The following CNDP2 variants were observed in gnomAD, a reference collection of about 807,000 sequenced individuals.
CNDP2 encodes cytosolic non-specific dipeptidase.
Under a neutral mutation model 55.0 loss-of-function variants are expected in CNDP2, and 38 were observed. The ratio of observed to expected loss-of-function variants is 0.69; its 90% CI spans 0.53 to 0.90. CNDP2 has a LOEUF of 0.90. CNDP2 is among the 40% of genes least tolerant of loss of function. The probability of loss-of-function intolerance (pLI) is 0.00; values close to 1 mark genes in which losing one functional copy is unlikely to be tolerated. For missense variants in CNDP2, 607 were observed against 621.7 expected, an observed-to-expected ratio of 0.98 and a Z score of 0.25; for synonymous variants, 241 against 260.2, an observed-to-expected ratio of 0.93 and a Z score of 0.71.
At chr18:74,511,146 A>C (rs1460577832) in intron 6 of CNDP2, 133 bp downstream of exon 6, 1 of 709,494 alleles carries the variant, frequency 1.4e-6, no homozygotes, top group Non-Finnish European at 2.3e-6. Context: ...TAGTGCCCCA[A>C]TTCCCAGCTT....
chr18:74,518,299 C>A, intron 9 of CNDP2, 200 bp from the exon 10 acceptor site: 2 of 508,746 alleles, frequency 3.9e-6, no homozygotes, highest in South Asian at 6.6e-5. Context: ...TCTCCTCTTT[C>A]CTTACTCTAG....
intron 1 of CNDP2, among the ~76,000 whole-genome samples, chr18:74,496,803 C>A (rs943190382): frequency 1.4e-4 from 21 of 152,142 alleles, no homozygotes; most frequent in African/African-American, 5.1e-4. Context: ...GGGAGCCGAG[C>A]GCTGGTCAGG....
Position 74,522,177 on chromosome 18 carries a change from C to G in CNDP2, c.*2109C>G, listed in dbSNP as rs1457206392. On this transcript the variant is annotated 3_prime_UTR_variant, in exon 12 of 12. Transcript: ENST00000324262. ...CCTCTATGGCTTTTGCATCTTTTCTCTAAGTCTCCTGTCATTTCAAAGTAA... is the reference window on the plus strand; with the variant it reads ...CCTCTATGGCTTTTGCATCTTTTCTGTAAGTCTCCTGTCATTTCAAAGTAA... 6.6e-6 allele frequency: 1 copy of G among 152,204 alleles called. No homozygotes were observed. Among genetic ancestry groups the G allele is most frequent in the Non-Finnish European group, 1.5e-5 (1 of 68,050 alleles). The allele number at this position is 152,204 out of a possible 1,614,324, so 9.4% of individuals were successfully genotyped here.
rs1412339995 is a variant in CNDP2 at position 74,510,942 on chromosome 18, A to G, written c.586A>G (p.Asn196Asp). The change falls in exon 6 of 12, where the codon AAT becomes GAT. Residue 196 changes from asparagine (N) to aspartate (D), a missense_variant. Asn to Asp is a conservative substitution (Grantham distance 23). Coordinates refer to ENST00000324262, the MANE Select transcript of CNDP2 (RefSeq NM_018235.3). ...TGTGGACTATGTCTGCATTTCTGAC[A>G]ATTACTGGCTGGGAAAGAAGAAGCC... ...KDVDYVCISD[N>D]YWLGKKKPCI... 2.5e-6 allele frequency: 4 copies of G among 1,614,068 alleles called. No individual in the cohort carries two copies. Among genetic ancestry groups the G allele is most frequent in the Non-Finnish European group, 3.4e-6 (4 of 1,180,036 alleles).
chr18:74,503,261 T>G (rs2144578160), intron 3 of CNDP2, among the ~76,000 whole-genome samples: 1 of 152,366 alleles, frequency 6.6e-6, no homozygotes, highest in South Asian at 2.1e-4. Context: ...CTGATTTTTA[T>G]CAAGGAATTG....
In CNDP2 at chr18:74,508,862, G is replaced by C. The variant is rs201016017; in HGVS notation, c.390G>C (p.Ser130=). The C allele has an allele frequency of 5.6e-6, 9 of 1,614,072 alleles. No homozygotes were observed. In the East Asian group the frequency reaches 1.8e-4, roughly 32 times the overall value. Residue 130 remains serine, a synonymous_variant, in exon 5 of 12, where the codon TCG becomes TCC. Coordinates refer to ENST00000324262, the MANE Select transcript of CNDP2 (RefSeq NM_018235.3). Reference sequence around the variant, plus strand: ...TAGGCAAGCTGTATGGGAGAGGTTCGACTGATGATAAGGGCCCGGTGGCCG... The same window carrying C: ...TAGGCAAGCTGTATGGGAGAGGTTCCACTGATGATAAGGGCCCGGTGGCCG... ...ERDGKLYGRG[S]TDDKGPVAGW...
At chr18:74,504,330 T>C (rs1383843123) in intron 3 of CNDP2, among the ~76,000 whole-genome samples, 2 of 142,008 alleles carry the variant, frequency 1.4e-5, no homozygotes, top group African/African-American at 2.6e-5. Context: ...CGTCAGGCCA[T>C]ACACTGCACA....
chr18:74,515,977 A>C (rs76001336), intron 8 of CNDP2, among the ~76,000 whole-genome samples: 3,272 of 152,274 alleles, frequency 0.021, 59 homozygotes, highest in Non-Finnish European at 0.033. Flanking sequence ...GACCTGAGCC[A>C]CCCACGCTGC....
At chr18:74,517,883 TATC>T (rs1373350656) in intron 9 of CNDP2, 2 of 152,274 alleles carry the variant, frequency 1.3e-5, no homozygotes, top group African/African-American at 4.8e-5. Context: ...ATTTAAATAG[TATC>T]ATCATTTAGA....
chr18:74,520,042 T>A lies in CNDP2; in HGVS notation c.1402T>A (p.Tyr468Asn). The change falls in exon 12 of 12, where the codon TAT becomes AAT. Residue 468 changes from tyrosine (Y) to asparagine (N), a missense_variant. Tyr to Asn is a moderately radical substitution (Grantham distance 143). Coordinates refer to ENST00000324262, the MANE Select transcript of CNDP2 (RefSeq NM_018235.3). ...AACCAAGATGCTGGCCGCGTACCTG[T>A]ATGAGGTCTCCCAGCTGAAGGACTA... ...EGTKMLAAYL[Y>N]EVSQLKD 6.2e-7 allele frequency: 1 copy of A among 1,614,158 alleles called. No individual in the cohort carries two copies. The highest frequency in any genetic ancestry group is 8.5e-7 in the Non-Finnish European group (1 of 1,180,008).
chr18:74,512,810 G>C (rs1048689496), intron 7 of CNDP2, among the ~76,000 whole-genome samples: 1 of 152,094 alleles, frequency 6.6e-6, no homozygotes, highest in African/African-American at 2.4e-5. Context: ...GTCCTGTCTG[G>C]CCAAGCCCCT....
In CNDP2 at chr18:74,510,967, C is replaced by T; in HGVS notation, c.611C>T (p.Pro204Leu). 6.2e-7 allele frequency: 1 copy of T among 1,614,058 alleles called. No homozygotes were observed. Among genetic ancestry groups the T allele is most frequent in the Non-Finnish European group, 8.5e-7 (1 of 1,180,022 alleles). The change falls in exon 6 of 12, where the codon CCC (proline) becomes CTC (leucine). Residue 204 changes from proline (P) to leucine (L), a missense_variant. Transcript: ENST00000324262. ...AATTACTGGCTGGGAAAGAAGAAGC[C>T]CTGCATCACCTACGGCCTCAGGGGC... ...SDNYWLGKKK[P>L]CITYGLRGIC... is the part of the protein sequence containing the mutation.
At chr18:74,508,611 G>A in intron 4 of CNDP2, 1 of 488,040 alleles carries the variant, frequency 2.0e-6, no homozygotes, top group Non-Finnish European at 3.7e-6. Context: ...ACCACGGTGG[G>A]AGAAGGAAGG....
intron 2 of CNDP2, among the ~76,000 whole-genome samples, chr18:74,500,334 A>G (rs1978621815): frequency 6.6e-6 from 1 of 152,250 alleles, no homozygotes; most frequent in African/African-American, 2.4e-5. Context: ...AAGTAATTCA[A>G]TAGTTATATA....
intron 1 of CNDP2, 115 bp from the exon 2 acceptor site, chr18:74,499,767 G>C (rs937901940): frequency 6.7e-6 from 3 of 450,162 alleles, no homozygotes; most frequent in African/African-American, 6.0e-5. Context: ...GGTTCCCAAA[G>C]TTTTTGTCTC....
rs753547294 is a variant in CNDP2, at chr18:74,499,927, TC to T, written c.-45del. 3 of 1,586,168 alleles carry T rather than the reference TC, an allele frequency of 1.9e-6. No individual in the cohort carries two copies. The South Asian group carries it at 3.3e-5, about 18-fold the overall frequency. On this transcript the variant is annotated 5_prime_UTR_variant, in exon 2 of 12. Transcript: ENST00000324262. Reference sequence around the variant, plus strand: ...AGAGACAGGACTGACCAGTTGCTCTTCCTTCCAAGAACCTTCGAGATCTGCG... The same window carrying T: ...AGAGACAGGACTGACCAGTTGCTCTTCTTCCAAGAACCTTCGAGATCTGCG...
rs567024602 is a variant in CNDP2, at chr18:74,518,571, G to A, written c.1141G>A (p.Gly381Ser). The change falls in exon 10 of 12, where the codon GGT becomes AGT. Residue 381 changes from glycine to serine, a missense_variant. Transcript: ENST00000324262. The stretch of plus-strand genomic sequence containing the variant: ...TGAGTTCAAGGTGTACATGGGCCAC[G>A]GTGGGAAGCCCTGGGTCTCCGACTT... ...PNEFKVYMGHGGKPWVSDFSH... is the reference protein window; with the variant it reads ...PNEFKVYMGHSGKPWVSDFSH... The A allele has an allele frequency of 3.7e-5, 59 of 1,614,232 alleles. No individual in the cohort carries two copies. The highest frequency in any genetic ancestry group is 2.4e-4 in the South Asian group (22 of 91,092).
rs756324109 is a variant in CNDP2, at chr18:74,516,384, G to T, written c.1060G>T (p.Gly354Cys). The change falls in exon 9 of 12, where the codon GGC (glycine) becomes TGC (cysteine). Residue 354 changes from glycine (G) to cysteine (C), a missense_variant. Physicochemically the swap from Gly to Cys is radical, Grantham distance 159. Transcript: ENST00000324262. ...GCCGAACATGACTCCTGAAGTCGTCGGCGAGCAGGCATGTGGGGCTGGGAC... is the reference window on the plus strand; with the variant it reads ...GCCGAACATGACTCCTGAAGTCGTCTGCGAGCAGGCATGTGGGGCTGGGAC... ...LVPNMTPEVV[G>C]EQVTSYLTKK... 1 of 1,609,328 alleles carries T rather than the reference G, an allele frequency of 6.2e-7. No homozygotes were observed. Among genetic ancestry groups the T allele is most frequent in the Non-Finnish European group, 8.5e-7 (1 of 1,177,250 alleles).
chr18:74,513,777 C>T, intron 8 of CNDP2, 58 bp downstream of exon 8: 1 of 1,555,814 alleles, frequency 6.4e-7, no homozygotes, highest in Non-Finnish European at 8.7e-7. Flanking sequence ...CACAGGTGTC[C>T]CCCAGGCCCT....
Sources: allele counts gnomAD v4.1 joint callset (sites outside exome capture counted in the v4.1 genomes callset), GRCh38; gene constraint gnomAD v4.1.1; transcripts MANE v1.5; gene names NCBI Gene and HGNC (gene_info 2026-07-23, HGNC 2026-07-21).